The following ROBO2 variants were observed in gnomAD, a reference collection of about 807,000 sequenced individuals.
ROBO2 encodes roundabout homolog 2.
A neutral mutation model predicts 160.8 loss-of-function variants in ROBO2; 53 were observed. That is an observed-to-expected ratio of 0.33 (90% CI 0.26 to 0.41). The LOEUF (loss-of-function observed/expected upper bound fraction) is 0.41. Ranked by LOEUF, ROBO2 falls within the 10% of genes least tolerant of loss-of-function variation. The pLI is 1.00. For missense variants in ROBO2, 1,577 were observed against 1,722.4 expected, an observed-to-expected ratio of 0.92 and a Z score of 1.49; for synonymous variants, 664 against 611.7, an observed-to-expected ratio of 1.09 and a Z score of -1.26.
At chr3:76,703,995 TC>T (rs1438046295) in intron 2 of ROBO2, among the ~76,000 whole-genome samples, 23 of 151,668 alleles carry the variant, frequency 1.5e-4, no homozygotes, top group African/African-American at 4.9e-4. Flanking sequence ...TTTTTTTTTT[TC>T]CTTTTTGTTA....
In ROBO2 at chr3:76,236,067, T is replaced by C. The variant is rs78323035; in HGVS notation, c.109+298465T>C. Reference sequence around the variant, plus strand: ...CCTTATTTGGTTGTTAATCACCAGCTCAGATAATTCAGGTCCTCAGTTATG... The same window carrying C: ...CCTTATTTGGTTGTTAATCACCAGCCCAGATAATTCAGGTCCTCAGTTATG... On this transcript the variant is annotated intron_variant, in intron 2 of 26. Transcript: ENST00000487694. 3.7e-4 allele frequency among the ~76,000 whole-genome samples: 56 copies of C among 152,268 alleles called. No homozygotes were observed. In the East Asian group the frequency reaches 0.01, roughly 28 times the overall value.
intron 2 of ROBO2, among the ~76,000 whole-genome samples, chr3:77,352,870 C>A (rs2068544261): frequency 6.6e-6 from 1 of 152,128 alleles, no homozygotes; most frequent in South Asian, 2.1e-4. Context: ...CAGGAAAATG[C>A]AGATGGCGAG....
chr3:76,076,502 G>A (rs2068650604), intron 2 of ROBO2, among the ~76,000 whole-genome samples: 1 of 152,092 alleles, frequency 6.6e-6, no homozygotes, highest in South Asian at 2.1e-4. Flanking sequence ...AGAGGGTGGA[G>A]GTGCTTCATT....
intron 2 of ROBO2, among the ~76,000 whole-genome samples, chr3:76,448,064 GAATA>G (rs1403261246): frequency 6.7e-5 from 10 of 150,126 alleles, no homozygotes; most frequent in African/African-American, 1.5e-4. Flanking sequence ...AAATTAAGCA[GAATA>G]AATAAATAAA....
In ROBO2 at chr3:77,408,204, A is replaced by G. The variant is rs559728434; in HGVS notation, c.389-69210A>G. On this transcript the variant is annotated intron_variant, in intron 2 of 25. Transcript: ENST00000461745. ...ATTTCACTAAATAGATCTGGTAAGTAGTGACTGATTTATTCTCCTTAAAAT... is the reference window on the plus strand; with the variant it reads ...ATTTCACTAAATAGATCTGGTAAGTGGTGACTGATTTATTCTCCTTAAAAT... Among the ~76,000 whole-genome samples the G allele has an allele frequency of 2.3e-3, 353 of 152,320 alleles. 1 individual carries two copies. Among genetic ancestry groups the G allele is most frequent in the Non-Finnish European group, 3.3e-3 (223 of 68,012 alleles).
At chr3:76,015,206 T>A (rs1285724773) in intron 2 of ROBO2, among the ~76,000 whole-genome samples, 1 of 152,214 alleles carries the variant, frequency 6.6e-6, no homozygotes. Context: ...AAATTACAAA[T>A]GGCTACATAT....
intron 2 of ROBO2, among the ~76,000 whole-genome samples, chr3:76,222,437 G>T (rs890509268): frequency 6.6e-6 from 1 of 152,288 alleles, no homozygotes; most frequent in East Asian, 1.9e-4. Flanking sequence ...AGGCTTATAC[G>T]TTGGCATAAT....
chr3:76,569,661 G>A (rs1327426477), intron 2 of ROBO2, among the ~76,000 whole-genome samples: 2 of 152,126 alleles, frequency 1.3e-5, no homozygotes, highest in Non-Finnish European at 1.5e-5. Flanking sequence ...TGTGATGTAT[G>A]AGTCATTATA....
intron 2 of ROBO2, among the ~76,000 whole-genome samples, chr3:76,830,725 C>G (rs1576907208): frequency 6.6e-6 from 1 of 151,224 alleles, no homozygotes; most frequent in Admixed American, 6.6e-5. Context: ...GCTTGTAATC[C>G]CAGCATCTCG....
At chr3:77,309,939 T>A (rs144607743) in intron 2 of ROBO2, among the ~76,000 whole-genome samples, 2 of 152,292 alleles carry the variant, frequency 1.3e-5, no homozygotes, top group East Asian at 3.9e-4. Context: ...AAAATCTTCC[T>A]GCATGTAATT....
intron 6 of ROBO2, among the ~76,000 whole-genome samples, chr3:77,527,964 A>G (rs1215905959): frequency 6.6e-6 from 1 of 151,590 alleles, no homozygotes. Context: ...GGGGAGGGAT[A>G]GTGGAGCTGT....
At chr3:77,171,792 T>G (rs1429116071) in intron 2 of ROBO2, among the ~76,000 whole-genome samples, 1 of 152,218 alleles carries the variant, frequency 6.6e-6, no homozygotes, top group Non-Finnish European at 1.5e-5. Context: ...TCTCATGCTG[T>G]CTATTTCCTT....
At chr3:77,523,090 T>A (rs2090778227) in intron 6 of ROBO2, among the ~76,000 whole-genome samples, 188 bp downstream of exon 6, 1 of 151,402 alleles carries the variant, frequency 6.6e-6, no homozygotes, top group African/African-American at 2.4e-5. Context: ...ATGATGATAA[T>A]TTAAAAAGAT....
chr3:76,126,802 C>T (rs1038866265), intron 2 of ROBO2, among the ~76,000 whole-genome samples: 5 of 151,970 alleles, frequency 3.3e-5, no homozygotes, highest in Admixed American at 3.3e-4. Context: ...TAATACCTGT[C>T]TTGTATTTAC....
chr3:77,338,755 T>G (rs1411661347), intron 2 of ROBO2, among the ~76,000 whole-genome samples: 2 of 152,154 alleles, frequency 1.3e-5, no homozygotes, highest in Non-Finnish European at 2.9e-5. Flanking sequence ...GTCAAGAAAA[T>G]TACTAGGATT....
chr3:77,287,754 G>A (rs192618277), intron 2 of ROBO2, among the ~76,000 whole-genome samples: 1 of 152,194 alleles, frequency 6.6e-6, no homozygotes, highest in South Asian at 2.1e-4. Context: ...GTGCTTTGAT[G>A]TCTTATTTTT....
chr3:76,815,932 A>T (rs2065629902), intron 2 of ROBO2, among the ~76,000 whole-genome samples: 1 of 152,140 alleles, frequency 6.6e-6, no homozygotes, highest in South Asian at 2.1e-4. Flanking sequence ...GACAGCAAAG[A>T]CACATTAGGG....
intron 2 of ROBO2, among the ~76,000 whole-genome samples, chr3:76,735,612 C>T (rs2093695626): frequency 1.3e-5 from 2 of 151,610 alleles, no homozygotes; most frequent in Admixed American, 6.6e-5. Context: ...AAACACAAAA[C>T]TTATCTGGCC....
chr3:76,160,662 C>A (rs181937280), intron 2 of ROBO2, among the ~76,000 whole-genome samples: 19 of 152,246 alleles, frequency 1.2e-4, no homozygotes, highest in African/African-American at 3.4e-4. Flanking sequence ...TCCACCTAAG[C>A]CTCATCATAA....
Sources: allele counts gnomAD v4.1 joint callset (sites outside exome capture counted in the v4.1 genomes callset), GRCh38; gene constraint gnomAD v4.1.1; transcripts MANE v1.5; gene names NCBI Gene and HGNC (gene_info 2026-07-23, HGNC 2026-07-21).